Variants in TTC39B observed in about 807,000 individuals in gnomAD.
TTC39B encodes the protein tetratricopeptide repeat protein 39B.
Under a neutral mutation model 96.6 loss-of-function variants are expected in TTC39B, and 92 were observed. The observed-to-expected ratio is 0.95, with a 90% CI of 0.80 to 1.13. TTC39B has a LOEUF of 1.13. Among genes scored for constraint, TTC39B ranks in the 50% most tolerant of loss-of-function variants. The pLI is 0.00. For missense variants in TTC39B, 955 were observed against 809.3 expected (o/e 1.18, Z -2.18); for synonymous variants, 367 against 299.4 (o/e 1.23, Z -2.33).
intron 17 of TTC39B, among the ~76,000 whole-genome samples, chr9:15,179,130 C>T (rs1319705380): frequency 6.6e-6 from 1 of 152,178 alleles, no homozygotes; most frequent in Non-Finnish European, 1.5e-5. Context: ...CAGAAGGAAC[C>T]ATATTACGTG....
Position 15,188,216 on chromosome 9 carries a change from G to C in TTC39B, c.1234-84C>G, listed in dbSNP as rs1479173601. ...AATGGAAAAATACATAAAACACTTAGTACAAAAAGGACAAAATTATCACTC... is the reference window on the plus strand; with the variant it reads ...AATGGAAAAATACATAAAACACTTACTACAAAAAGGACAAAATTATCACTC... On this transcript the variant is annotated intron_variant, in intron 13 of 19. Coordinates refer to ENST00000512701, the Ensembl canonical transcript of TTC39B. 54 of 1,371,322 alleles carry C rather than the reference G, an allele frequency of 3.9e-5. No individual in the cohort carries two copies. The Middle Eastern group carries it at 8.6e-4, about 22-fold the overall frequency. The allele number at this position is 1,371,322 out of a possible 1,614,324, so 84.9% of individuals were successfully genotyped here. A position where few individuals can be genotyped will look rare whatever the true frequency, so the allele number is the denominator to read the frequency against.
chr9:15,223,665 T>C (rs1451851920), intron 3 of TTC39B, among the ~76,000 whole-genome samples: 1 of 152,236 alleles, frequency 6.6e-6, no homozygotes, highest in Non-Finnish European at 1.5e-5. Flanking sequence ...CTTCAACACA[T>C]GCATTAGAAG....
chr9:15,264,136 A>G (rs568303968), intron 2 of TTC39B, among the ~76,000 whole-genome samples: 2 of 152,330 alleles, frequency 1.3e-5, no homozygotes, highest in Middle Eastern at 6.8e-3. Context: ...GAGAAAAACT[A>G]TAACAGAGTT....
intron 17 of TTC39B, among the ~76,000 whole-genome samples, chr9:15,180,609 G>A (rs1289891820): frequency 6.6e-6 from 1 of 152,124 alleles, no homozygotes. Flanking sequence ...AATGGGGGTG[G>A]GGGATGGGGT....
At chr9:15,189,660 G>A (rs780363866) in intron 12 of TTC39B, 27 bp from the exon 13 acceptor site, 2 of 1,613,928 alleles carry the variant, frequency 1.2e-6, no homozygotes, top group Non-Finnish European at 8.5e-7. Flanking sequence ...AAAACACACT[G>A]TTCAACAGTC....
chr9:15,182,181 G>A, intron 17 of TTC39B, 126 bp downstream of exon 17: 1 of 558,892 alleles, frequency 1.8e-6, no homozygotes. Flanking sequence ...CCAGACCCCT[G>A]CAGCTCAAGC....
At chr9:15,288,413 G>A (rs1824058233) in intron 1 of TTC39B, among the ~76,000 whole-genome samples, 2 of 152,150 alleles carry the variant, frequency 1.3e-5, no homozygotes, top group South Asian at 4.1e-4. Context: ...ATGGCAGAAT[G>A]GCACAGCAAA....
chr9:15,236,634 G>T (rs1026473397), intron 2 of TTC39B, among the ~76,000 whole-genome samples: 18 of 152,238 alleles, frequency 1.2e-4, no homozygotes, highest in African/African-American at 4.1e-4. Flanking sequence ...TCTCATACCA[G>T]AGTGGGATGA....
intron 15 of TTC39B, 194 bp from the exon 16 acceptor site, chr9:15,185,600 C>A: frequency 1.4e-6 from 1 of 693,828 alleles, no homozygotes; most frequent in Non-Finnish European, 2.2e-6. Flanking sequence ...CGGGGCCGAG[C>A]AATCTAGATT....
At chr9:15,185,543 A>G in intron 15 of TTC39B, 137 bp from the exon 16 acceptor site, 1 of 1,374,256 alleles carries the variant, frequency 7.3e-7, no homozygotes, top group Non-Finnish European at 9.9e-7. Context: ...TTGAAATGCC[A>G]ATTTTCAGGC....
chr9:15,221,481 A>G (rs989614525), intron 3 of TTC39B, among the ~76,000 whole-genome samples: 11 of 151,910 alleles, frequency 7.2e-5, no homozygotes, highest in African/African-American at 2.7e-4. Context: ...TTTTTCAGCA[A>G]TTCTTTACTT....
At chr9:15,198,515 A>G (rs1288517912) in intron 8 of TTC39B, among the ~76,000 whole-genome samples, 2 of 150,462 alleles carry the variant, frequency 1.3e-5, no homozygotes, top group African/African-American at 4.9e-5. Flanking sequence ...GGTAAATGAA[A>G]TTACACTTTT....
At chr9:15,192,556 A>G (rs776491282) in intron 9 of TTC39B, 34 bp downstream of exon 9, 2 of 1,552,920 alleles carry the variant, frequency 1.3e-6, no homozygotes, top group East Asian at 4.5e-5. Context: ...GTTCTTCTAC[A>G]AAAGTTCTGG....
At chr9:15,218,631 T>C (rs1305944323) in intron 3 of TTC39B, among the ~76,000 whole-genome samples, 7 of 134,322 alleles carry the variant, frequency 5.2e-5, no homozygotes, top group African/African-American at 2.4e-4. Flanking sequence ...TTTAGTCTAT[T>C]TTAAATATAT....
At chr9:15,282,512 TACC>T (rs1210276555) in intron 1 of TTC39B, among the ~76,000 whole-genome samples, 2 of 152,228 alleles carry the variant, frequency 1.3e-5, no homozygotes, top group Non-Finnish European at 2.9e-5. Flanking sequence ...ATGTAAGTTA[TACC>T]ATGAGAAAGG....
At chr9:15,189,463 G>C in intron 13 of TTC39B, 111 bp downstream of exon 13, 5 of 1,077,080 alleles carry the variant, frequency 4.6e-6, no homozygotes, top group Non-Finnish European at 6.7e-6. Context: ...CTTTATTTTT[G>C]TCTAGTCCAT....
intron 7 of TTC39B, among the ~76,000 whole-genome samples, chr9:15,203,431 T>G (rs1819658829): frequency 6.6e-6 from 1 of 151,424 alleles, no homozygotes; most frequent in Admixed American, 6.6e-5. Flanking sequence ...TTTTTTTTTT[T>G]TGTATTTTCA....
intron 1 of TTC39B, among the ~76,000 whole-genome samples, chr9:15,282,249 A>G (rs1363962925): frequency 6.6e-6 from 1 of 152,230 alleles, no homozygotes; most frequent in Non-Finnish European, 1.5e-5. Flanking sequence ...CTCAAATTTC[A>G]TATACATTAT....
chr9:15,178,826 G>A (rs1159454439), intron 17 of TTC39B, among the ~76,000 whole-genome samples: 1 of 152,142 alleles, frequency 6.6e-6, no homozygotes, highest in Non-Finnish European at 1.5e-5. Context: ...ATACAGGAGA[G>A]GATAACACTT....
Sources: gnomAD v4.1 joint callset for allele counts (sites outside exome capture counted in the v4.1 genomes callset) on GRCh38, gnomAD v4.1.1 for gene constraint, MANE v1.5 for transcripts, NCBI Gene and HGNC (gene_info 2026-07-23, HGNC 2026-07-21) for gene names.